ARHGAP26: variants seen among roughly 807,000 people sequenced by gnomAD.
ARHGAP26 encodes the protein Rho GTPase activating protein 26.
Under a neutral mutation model 104.8 loss-of-function variants are expected in ARHGAP26, and 38 were observed. The ratio of observed to expected loss-of-function variants is 0.36; its 90% confidence interval spans 0.28 to 0.48. The LOEUF is 0.48. ARHGAP26 is among the 20% of genes least tolerant of loss of function. The probability of loss-of-function intolerance (pLI) is 0.99; values close to 1 mark genes in which losing one functional copy is unlikely to be tolerated. For synonymous variants in ARHGAP26, 341 were observed against 340.0 expected (o/e 1.00, Z -0.03); for missense variants, 704 against 947.9 (o/e 0.74, Z 3.38).
At chr5:142,872,103 A>T (rs929399572) in intron 1 of ARHGAP26, among the ~76,000 whole-genome samples, 7 of 152,102 alleles carry the variant, frequency 4.6e-5, no homozygotes, top group Admixed American at 1.3e-4. Flanking sequence ...AGCACTGGGG[A>T]TTGGATTTGT....
chr5:142,957,961 A>G (rs1769535078), intron 11 of ARHGAP26, among the ~76,000 whole-genome samples: 1 of 152,252 alleles, frequency 6.6e-6, no homozygotes, highest in South Asian at 2.1e-4. Context: ...GTTTTTCTAG[A>G]GAGATTTTTG....
intron 11 of ARHGAP26, among the ~76,000 whole-genome samples, chr5:142,985,346 T>C (rs1223825215): frequency 6.6e-6 from 1 of 152,184 alleles, no homozygotes; most frequent in Non-Finnish European, 1.5e-5. Flanking sequence ...TAAATAACTT[T>C]AGTGTAGCCT....
At chr5:143,051,389 G>T (rs1289188481) in intron 14 of ARHGAP26, among the ~76,000 whole-genome samples, 1 of 152,206 alleles carries the variant, frequency 6.6e-6, no homozygotes, top group Non-Finnish European at 1.5e-5. Flanking sequence ...CCCACATGAT[G>T]CCTTTTGTAC....
In ARHGAP26 at chr5:143,094,544, G is replaced by A. The variant is rs180766109; in HGVS notation, c.1539-26444G>A. ...AAGTTTCAGTGCCACAAAAGGAATA[G>A]CACTTGAATATAAAATTTTCTTTTT... is the stretch of plus-strand genomic sequence containing the variant. On this transcript the variant is annotated intron_variant, in intron 17 of 22. Transcript: ENST00000645722. 1.4e-3 allele frequency among the ~76,000 whole-genome samples: 218 copies of A among 152,354 alleles called. 1 individual carries two copies. The highest frequency in any genetic ancestry group is 5.0e-3 in the African/African-American group (207 of 41,586).
intron 12 of ARHGAP26, among the ~76,000 whole-genome samples, chr5:143,018,989 A>T (rs974897225): frequency 6.6e-6 from 1 of 152,320 alleles, no homozygotes; most frequent in African/African-American, 2.4e-5. Flanking sequence ...TATTCAGACC[A>T]CCAGTGTTTT....
chr5:142,926,982 G>A (rs1562094256), intron 10 of ARHGAP26, among the ~76,000 whole-genome samples: 2 of 151,966 alleles, frequency 1.3e-5, no homozygotes, highest in Non-Finnish European at 2.9e-5. Context: ...GGTAACGCTG[G>A]GAGACAAGTA....
chr5:142,875,296 C>A, intron 3 of ARHGAP26, 125 bp downstream of exon 3: 1 of 901,740 alleles, frequency 1.1e-6, no homozygotes, highest in Non-Finnish European at 1.8e-6. Flanking sequence ...AGCTCTTCAG[C>A]AAGCCTCATC....
intron 19 of ARHGAP26, 24 bp from the exon 20 acceptor site, chr5:143,147,207 G>A: frequency 6.2e-7 from 1 of 1,610,808 alleles, no homozygotes; most frequent in Middle Eastern, 1.7e-4. Context: ...TATTAATATG[G>A]GACTTGTGGC....
chr5:142,869,231 G>A (rs1180719565), intron 1 of ARHGAP26, among the ~76,000 whole-genome samples: 17 of 139,208 alleles, frequency 1.2e-4, no homozygotes, highest in Non-Finnish European at 1.8e-4. Context: ...TTTTGAGACA[G>A]CGTCTCACAC....
At chr5:142,879,261 C>T (rs1562003198) in intron 3 of ARHGAP26, 113 bp from the exon 4 acceptor site, 2 of 944,250 alleles carry the variant, frequency 2.1e-6, no homozygotes, top group Non-Finnish European at 3.5e-6. Flanking sequence ...ACAACACTGC[C>T]TCCCCAAATT....
chr5:142,935,937 G>A (rs1421343660), intron 11 of ARHGAP26, among the ~76,000 whole-genome samples: 1 of 152,132 alleles, frequency 6.6e-6, no homozygotes, highest in African/African-American at 2.4e-5. Context: ...CTAAGACTAG[G>A]AACAAGTTGA....
intron 19 of ARHGAP26, among the ~76,000 whole-genome samples, chr5:143,137,140 T>G (rs533533961): frequency 1.3e-5 from 2 of 152,376 alleles, no homozygotes; most frequent in South Asian, 4.1e-4. Context: ...CTCACTGTAT[T>G]ATTCTCTAAT....
At chr5:143,003,769 A>G (rs138006748) in intron 11 of ARHGAP26, among the ~76,000 whole-genome samples, 2 of 152,180 alleles carry the variant, frequency 1.3e-5, no homozygotes, top group East Asian at 3.9e-4. Flanking sequence ...TTCTGTTAAT[A>G]CTCTCATAAG....
At chr5:142,818,675 G>C (rs1765566312) in intron 1 of ARHGAP26, among the ~76,000 whole-genome samples, 1 of 151,960 alleles carries the variant, frequency 6.6e-6, no homozygotes, top group African/African-American at 2.4e-5. Context: ...ACCTTCATGG[G>C]GCTCTCAAGA....
intron 17 of ARHGAP26, among the ~76,000 whole-genome samples, chr5:143,075,277 T>A (rs1420996330): frequency 6.6e-6 from 1 of 151,164 alleles, no homozygotes; most frequent in Non-Finnish European, 1.5e-5. Flanking sequence ...ATATTATGTA[T>A]AGTGATTTTA....
At chr5:142,925,084 T>G (rs529217062) in intron 10 of ARHGAP26, among the ~76,000 whole-genome samples, 1 of 110,038 alleles carries the variant, frequency 9.1e-6, no homozygotes, top group East Asian at 1.1e-3. Flanking sequence ...GGCAACAGTT[T>G]AAAACTGAAA....
intron 10 of ARHGAP26, among the ~76,000 whole-genome samples, chr5:142,914,798 C>T (rs1762272229): frequency 6.6e-6 from 1 of 152,138 alleles, no homozygotes; most frequent in Non-Finnish European, 1.5e-5. Context: ...AAAACCTAAA[C>T]CTTGGTGCTT....
At chr5:142,825,118 C>T (rs1411044489) in intron 1 of ARHGAP26, among the ~76,000 whole-genome samples, 1 of 152,180 alleles carries the variant, frequency 6.6e-6, no homozygotes, top group African/African-American at 2.4e-5. Flanking sequence ...GCATACTGTT[C>T]TCTTGCTGTG....
intron 9 of ARHGAP26, chr5:142,908,805 C>CCCCG (rs1761456421): frequency 6.0e-6 from 1 of 167,204 alleles, no homozygotes; most frequent in Non-Finnish European, 1.5e-5. Flanking sequence ...TCCCTGGTGT[C>CCCCG]CCCGCCATTG....
Sources: gnomAD v4.1 joint callset for allele counts (sites outside exome capture counted in the v4.1 genomes callset) on GRCh38, gnomAD v4.1.1 for gene constraint, MANE v1.5 for transcripts, NCBI Gene and HGNC (gene_info 2026-07-23, HGNC 2026-07-21) for gene names.